PDZD2: variants seen among roughly 807,000 people sequenced by gnomAD.
PDZD2 encodes the protein PDZ domain-containing protein 2.
PDZD2 carries 90 observed loss-of-function variants against 220.7 expected under a neutral mutation model. The ratio of observed to expected loss-of-function variants is 0.41; its 90% CI spans 0.34 to 0.49. PDZD2 has a LOEUF of 0.49. Among genes scored for constraint, PDZD2 ranks in the 20% least tolerant of loss-of-function variants. The pLI is 0.28. For synonymous variants in PDZD2, 1,375 were observed against 1,450.5 expected (o/e 0.95, Z 1.18); for missense variants, 3,174 against 3,608.5 (o/e 0.88, Z 3.08).
rs371741483 is a variant in PDZD2, at chr5:31,865,883, G to A, written c.476+66159G>A. Among the ~76,000 whole-genome samples, 241 of 149,426 alleles carry A rather than the reference G, an allele frequency of 1.6e-3. 1 individual carries two copies. The highest frequency in any genetic ancestry group is 5.3e-3 in the African/African-American group (217 of 40,606). ...CCTGACCTCGTGATCTGCCCGCCTCGCCCTCCCAAAATGCTGGGATTACAG... is the reference window on the plus strand; with the variant it reads ...CCTGACCTCGTGATCTGCCCGCCTCACCCTCCCAAAATGCTGGGATTACAG... On this transcript the variant is annotated intron_variant, in intron 2 of 24. Transcript: ENST00000438447.
At chr5:31,728,098 A>T (rs1749289452) in intron 1 of PDZD2, among the ~76,000 whole-genome samples, 1 of 151,402 alleles carries the variant, frequency 6.6e-6, no homozygotes. Flanking sequence ...TTCTTCTCTG[A>T]TTCTAAAGCA....
At chr5:31,691,512 C>A (rs1747131092) in intron 1 of PDZD2, among the ~76,000 whole-genome samples, 1 of 150,360 alleles carries the variant, frequency 6.7e-6, no homozygotes, top group Admixed American at 6.6e-5. Flanking sequence ...GCGCCACCTG[C>A]TTTTATTCTC....
chr5:31,796,386 C>A (rs1214364080), intron 1 of PDZD2, among the ~76,000 whole-genome samples: 1 of 152,154 alleles, frequency 6.6e-6, no homozygotes, highest in East Asian at 1.9e-4. Flanking sequence ...CCCGGTCCTG[C>A]GCTTCTGCCC....
chr5:31,886,436 T>TTCCTCTC (rs1028904342), intron 2 of PDZD2, among the ~76,000 whole-genome samples: 2 of 152,098 alleles, frequency 1.3e-5, no homozygotes, highest in South Asian at 2.1e-4. Context: ...CCGGACTCCC[T>TTCCTCTC]TCCTCTCTCC....
chr5:31,784,573 G>A (rs1170077571), intron 1 of PDZD2, among the ~76,000 whole-genome samples: 1 of 152,148 alleles, frequency 6.6e-6, no homozygotes, highest in Non-Finnish European at 1.5e-5. Context: ...AAGGGGGGTG[G>A]TCAGTGCAAA....
intron 2 of PDZD2, among the ~76,000 whole-genome samples, chr5:31,873,642 TC>T (rs1474883094): frequency 6.6e-6 from 1 of 151,798 alleles, no homozygotes; most frequent in Non-Finnish European, 1.5e-5. Context: ...CTCAAAGCGA[TC>T]CGCCTGCCTT....
Position 32,090,832 on chromosome 5 carries a change from G to A in PDZD2, c.7384G>A (p.Val2462Ile). The A allele has an allele frequency of 6.2e-7, 1 of 1,614,100 alleles. No homozygotes were observed. The highest frequency in any genetic ancestry group is 8.5e-7 in the Non-Finnish European group (1 of 1,180,026). ...PTPTMTLASP[V>I]KRNKSSVRHT... ...CCCAACGATGACCCTGGCTTCTCCT[G>A]TTAAGAGGAACAAGTCCTCGGTACG... The change falls in exon 20 of 25, where the codon GTT becomes ATT. Residue 2462 changes from valine (V) to isoleucine (I), a missense_variant. Val to Ile is a conservative substitution (Grantham distance 29, BLOSUM62 3). Coordinates refer to ENST00000438447, the MANE Select transcript of PDZD2 (RefSeq NM_178140.4). The surrounding 1 kb of genome is among the most constrained non-coding windows in gnomAD (Gnocchi z 4.3).
chr5:32,094,585 T>C (rs1184422384), intron 21 of PDZD2, among the ~76,000 whole-genome samples: 2 of 152,028 alleles, frequency 1.3e-5, no homozygotes, highest in Non-Finnish European at 2.9e-5. Context: ...TCCCTTCTGA[T>C]TCTCAGCCGC....
chr5:31,820,589 T>C (rs938807594), intron 2 of PDZD2: 1 of 152,240 alleles, frequency 6.6e-6, no homozygotes, highest in African/African-American at 2.4e-5. Context: ...AGGGCCATGC[T>C]AATCTTCTCT....
intron 1 of PDZD2, among the ~76,000 whole-genome samples, chr5:31,735,343 C>G (rs746370173): frequency 1.3e-5 from 2 of 152,148 alleles, no homozygotes; most frequent in African/African-American, 2.4e-5. Flanking sequence ...ACTGCTGCCT[C>G]CTATTCTCCT....
intron 1 of PDZD2, chr5:31,665,052 G>A (rs1745928953): frequency 6.6e-6 from 1 of 152,320 alleles, no homozygotes; most frequent in Non-Finnish European, 1.5e-5. Flanking sequence ...ATATGGAATT[G>A]TGGTGTTTGC....
intron 1 of PDZD2, among the ~76,000 whole-genome samples, chr5:31,659,677 A>G (rs1254134599): frequency 6.6e-6 from 1 of 152,174 alleles, no homozygotes; most frequent in Non-Finnish European, 1.5e-5. Flanking sequence ...ACTTATTCTC[A>G]TTTCTGGTCT....
intron 2 of PDZD2, among the ~76,000 whole-genome samples, chr5:31,852,349 G>A (rs1022757753): frequency 6.1e-5 from 9 of 147,752 alleles, no homozygotes; most frequent in African/African-American, 2.3e-4. Flanking sequence ...GGCGCAGTCC[G>A]GGCTCACTGC....
At chr5:31,759,321 G>C (rs1000596643) in intron 1 of PDZD2, among the ~76,000 whole-genome samples, 3 of 152,082 alleles carry the variant, frequency 2.0e-5, no homozygotes, top group Admixed American at 1.3e-4. Context: ...CGAGGCTTCG[G>C]GGGGAGTGCA....
intron 2 of PDZD2, among the ~76,000 whole-genome samples, chr5:31,964,811 GT>G (rs1417492005): frequency 6.6e-6 from 1 of 152,152 alleles, no homozygotes; most frequent in African/African-American, 2.4e-5. Context: ...CGCCTCCCGG[GT>G]TCACGCCATT....
intron 19 of PDZD2, among the ~76,000 whole-genome samples, chr5:32,082,707 CGTGT>C (rs1441273653): frequency 6.6e-5 from 10 of 152,180 alleles, no homozygotes; most frequent in East Asian, 5.8e-4. Flanking sequence ...CAGTAAGATA[CGTGT>C]GTGTGTATGT....
At chr5:31,871,301 G>A (rs924538365) in intron 2 of PDZD2, among the ~76,000 whole-genome samples, 1 of 152,192 alleles carries the variant, frequency 6.6e-6, no homozygotes, top group African/African-American at 2.4e-5. Context: ...TGGGATAGTA[G>A]AGGATCACCT....
chr5:31,866,746 T>C (rs559976796), intron 2 of PDZD2, among the ~76,000 whole-genome samples: 1 of 152,342 alleles, frequency 6.6e-6, no homozygotes, highest in South Asian at 2.1e-4. Context: ...GTATCATATC[T>C]GTGACTATTA....
intron 2 of PDZD2, among the ~76,000 whole-genome samples, chr5:31,897,830 A>G (rs1039255697): frequency 9.2e-5 from 14 of 151,426 alleles, no homozygotes; most frequent in Admixed American, 5.9e-4. Flanking sequence ...TCTACCTCCC[A>G]GGTTCAAGCA....
Sources: gnomAD v4.1 joint callset for allele counts (sites outside exome capture counted in the v4.1 genomes callset) on GRCh38, gnomAD v4.1.1 for gene constraint, Gnocchi (gnomAD v3.1) non-coding constraint, MANE v1.5 for transcripts, NCBI Gene and HGNC (gene_info 2026-07-23, HGNC 2026-07-21) for gene names.